PTPN9: variants seen among roughly 807,000 people sequenced by gnomAD.
PTPN9 encodes tyrosine-protein phosphatase non-receptor type 9.
PTPN9 carries 26 observed loss-of-function variants against 69.8 expected under a neutral mutation model. That is an observed-to-expected ratio of 0.37 (90% CI 0.27 to 0.52). The LOEUF (loss-of-function observed/expected upper bound fraction) is 0.52. Among genes scored for constraint, PTPN9 ranks in the 20% least tolerant of loss-of-function variants. PTPN9 has a pLI of 0.91. For missense variants in PTPN9, 549 were observed against 740.3 expected (o/e 0.74, Z 3.00); for synonymous variants, 274 against 272.5 (o/e 1.01, Z -0.05).
At chr15:75,524,006 A>C (rs2074916073) in intron 3 of PTPN9, among the ~76,000 whole-genome samples, 4 of 152,034 alleles carry the variant, frequency 2.6e-5, no homozygotes, top group Admixed American at 2.6e-4. Flanking sequence ...CCTAATGCTA[A>C]ATGACGAGTT....
At chr15:75,539,300 G>A (rs939636831) in intron 1 of PTPN9, among the ~76,000 whole-genome samples, 7 of 143,836 alleles carry the variant, frequency 4.9e-5, no homozygotes, top group Non-Finnish European at 1.0e-4. Context: ...TCTGAAGGAA[G>A]TTGGTATTTA....
At chr15:75,515,130 T>TA (rs1032406695) in intron 5 of PTPN9, among the ~76,000 whole-genome samples, 1 of 151,506 alleles carries the variant, frequency 6.6e-6, no homozygotes, top group South Asian at 2.1e-4. Flanking sequence ...TGAGCCAGAA[T>TA]AAAAAAAAGA....
intron 11 of PTPN9, among the ~76,000 whole-genome samples, chr15:75,470,245 C>T (rs1184271561): frequency 6.6e-6 from 1 of 152,200 alleles, no homozygotes; most frequent in African/African-American, 2.4e-5. Context: ...CACTCTGTTG[C>T]CCAGGTTGGA....
intron 8 of PTPN9, among the ~76,000 whole-genome samples, chr15:75,480,255 TATG>T (rs1298870333): frequency 6.6e-6 from 1 of 152,144 alleles, no homozygotes; most frequent in African/African-American, 2.4e-5. Flanking sequence ...CTTTCACAGA[TATG>T]ATACCAAAGG....
At position 75,523,250 on chromosome 15, in the gene PTPN9, A is replaced by T; in HGVS notation, c.298-5T>A. On this transcript the variant is annotated splice_polypyrimidine_tract_variant and splice_region_variant and intron_variant, in intron 3 of 12. Coordinates refer to ENST00000618819, the MANE Select transcript of PTPN9 (RefSeq NM_002833.4). ...TCCTGTTGGGTCCCGAACATTCTAAAGCAAATAAAACAAGAAACATTAAAA... is the reference window on the plus strand; with the variant it reads ...TCCTGTTGGGTCCCGAACATTCTAATGCAAATAAAACAAGAAACATTAAAA... 1 of 1,610,660 alleles carries T rather than the reference A, an allele frequency of 6.2e-7. No individual in the cohort carries two copies. Among genetic ancestry groups the T allele is most frequent in the Non-Finnish European group, 8.5e-7 (1 of 1,179,048 alleles).
intron 5 of PTPN9, among the ~76,000 whole-genome samples, chr15:75,514,669 ATATG>A (rs1449514963): frequency 2.6e-5 from 4 of 152,226 alleles, no homozygotes; most frequent in African/African-American, 9.6e-5. Flanking sequence ...CGCACACATT[ATATG>A]TGTGTGTGTA....
At chr15:75,554,077 G>GT in intron 1 of PTPN9, among the ~76,000 whole-genome samples, 1 of 146,268 alleles carries the variant, frequency 6.8e-6, no homozygotes, top group South Asian at 2.2e-4. Context: ...GTATTGCAGT[G>GT]GCACAATCAT....
chr15:75,560,446 T>C (rs958029894), intron 1 of PTPN9, among the ~76,000 whole-genome samples: 1 of 152,200 alleles, frequency 6.6e-6, no homozygotes, highest in African/African-American at 2.4e-5. Flanking sequence ...CAAATGGTCA[T>C]TCCCAAATAA....
At chr15:75,525,015 G>A (rs1303069585) in intron 2 of PTPN9, among the ~76,000 whole-genome samples, 4 of 151,796 alleles carry the variant, frequency 2.6e-5, no homozygotes, top group Admixed American at 6.6e-5. Flanking sequence ...TCTTAAACAC[G>A]CAGCAGCACT....
chr15:75,498,411 T>C (rs1282523166), intron 7 of PTPN9, among the ~76,000 whole-genome samples: 1 of 151,550 alleles, frequency 6.6e-6, no homozygotes, highest in Admixed American at 6.6e-5. Flanking sequence ...GAAGGAGGTA[T>C]ATGTTTACTA....
chr15:75,473,302 T>G (rs1595945135), intron 10 of PTPN9, among the ~76,000 whole-genome samples: 1 of 151,908 alleles, frequency 6.6e-6, no homozygotes, highest in African/African-American at 2.4e-5. Context: ...CAGGCTGGAG[T>G]GCAATGGCGT....
chr15:75,480,711 C>A, intron 8 of PTPN9: 1 of 1,316,052 alleles, frequency 7.6e-7, no homozygotes, highest in Non-Finnish European at 9.8e-7. Flanking sequence ...CGCCCCACAG[C>A]CGGGAGGATG....
At chr15:75,470,424 GGGATTAT>G (rs1567459872) in intron 11 of PTPN9, among the ~76,000 whole-genome samples, 1 of 152,192 alleles carries the variant, frequency 6.6e-6, no homozygotes, top group African/African-American at 2.4e-5. Flanking sequence ...CCAGAGTGCT[GGGATTAT>G]AGGCCTAAGC....
chr15:75,494,136 A>G (rs951478022), intron 7 of PTPN9, among the ~76,000 whole-genome samples: 1 of 33,910 alleles, frequency 2.9e-5, no homozygotes, highest in East Asian at 7.0e-4. Context: ...AATCCCATAT[A>G]TATATATATA....
At chr15:75,525,276 C>T (rs544071817) in intron 2 of PTPN9, among the ~76,000 whole-genome samples, 4 of 151,872 alleles carry the variant, frequency 2.6e-5, no homozygotes, top group Admixed American at 6.6e-5. Context: ...TCTTGGCTCA[C>T]TGCAACCTCC....
intron 1 of PTPN9, among the ~76,000 whole-genome samples, chr15:75,537,302 A>C (rs2074986390): frequency 6.9e-6 from 1 of 144,228 alleles, no homozygotes; most frequent in African/African-American, 2.6e-5. Context: ...CAGTGAGCCG[A>C]GATCATGCCA....
intron 1 of PTPN9, among the ~76,000 whole-genome samples, chr15:75,556,189 G>A (rs548177405): frequency 2.0e-5 from 3 of 150,702 alleles, no homozygotes; most frequent in Non-Finnish European, 4.4e-5. Flanking sequence ...TCAGCCTCCC[G>A]AGTAGCTGGG....
intron 1 of PTPN9, among the ~76,000 whole-genome samples, chr15:75,547,241 G>A (rs1416530352): frequency 7.0e-6 from 1 of 143,126 alleles, no homozygotes; most frequent in Non-Finnish European, 1.5e-5. Flanking sequence ...GTTGCAGTGA[G>A]CTGAGATAGC....
intron 7 of PTPN9, among the ~76,000 whole-genome samples, chr15:75,504,054 A>G (rs2074795990): frequency 8.6e-6 from 1 of 116,430 alleles, no homozygotes; most frequent in South Asian, 3.1e-4. Context: ...CCGCCCGGCC[A>G]GCCGACCCGT....
Sources: allele counts gnomAD v4.1 joint callset (sites outside exome capture counted in the v4.1 genomes callset), GRCh38; gene constraint gnomAD v4.1.1; transcripts MANE v1.5; gene names NCBI Gene and HGNC (gene_info 2026-07-23, HGNC 2026-07-21).